Variants in LCLAT1 observed in about 807,000 individuals in gnomAD.
The protein encoded by LCLAT1 is lysocardiolipin acyltransferase 1, also known as 1-AGP acyltransferase 8.
LCLAT1 carries 11 observed loss-of-function variants against 30.7 expected under a neutral mutation model. The ratio of observed to expected loss-of-function variants is 0.36; its 90% CI spans 0.23 to 0.59. The LOEUF is 0.59. LCLAT1 is among the 20% of genes least tolerant of loss of function. LCLAT1 has a pLI of 0.77. For synonymous variants in LCLAT1, 155 were observed against 151.3 expected (o/e 1.02, Z -0.18); for missense variants, 402 against 458.6 (o/e 0.88, Z 1.13).
At chr2:30,520,133 G>T (rs1465934761) in intron 1 of LCLAT1, among the ~76,000 whole-genome samples, 1 of 152,162 alleles carries the variant, frequency 6.6e-6, no homozygotes, top group Non-Finnish European at 1.5e-5. Flanking sequence ...TCACCGCATG[G>T]CCCAAGGTTC....
intron 5 of LCLAT1, among the ~76,000 whole-genome samples, chr2:30,600,849 G>A (rs1282208881): frequency 6.6e-6 from 1 of 152,148 alleles, no homozygotes; most frequent in Non-Finnish European, 1.5e-5. Context: ...GGTCAGGGAA[G>A]TTCTCCTGGA....
intron 5 of LCLAT1, among the ~76,000 whole-genome samples, chr2:30,589,565 G>A (rs1042465277): frequency 6.6e-6 from 1 of 152,120 alleles, no homozygotes; most frequent in Non-Finnish European, 1.5e-5. Context: ...GAGTAAGAAT[G>A]TCTTTCTCCT....
intron 5 of LCLAT1, among the ~76,000 whole-genome samples, chr2:30,601,620 A>T (rs1667186327): frequency 6.6e-6 from 1 of 152,160 alleles, no homozygotes; most frequent in South Asian, 2.1e-4. Context: ...TGACTAATTT[A>T]GTACAGACTC....
intron 3 of LCLAT1, among the ~76,000 whole-genome samples, chr2:30,552,303 T>C (rs980158877): frequency 6.6e-6 from 1 of 152,214 alleles, no homozygotes; most frequent in African/African-American, 2.4e-5. Context: ...CAAGAATTTT[T>C]ACTGTCTGCA....
intron 5 of LCLAT1, among the ~76,000 whole-genome samples, chr2:30,570,771 A>G (rs1288979782): frequency 6.6e-6 from 1 of 152,246 alleles, no homozygotes; most frequent in Non-Finnish European, 1.5e-5. Context: ...CAGAACACGG[A>G]GAGATGGTAG....
At chr2:30,467,108 G>C (rs1307822573) in intron 1 of LCLAT1, among the ~76,000 whole-genome samples, 1 of 151,854 alleles carries the variant, frequency 6.6e-6, no homozygotes, top group Non-Finnish European at 1.5e-5. Flanking sequence ...CCCCACGACA[G>C]GCCCCGATGT....
chr2:30,545,819 G>T (rs1297051257), intron 3 of LCLAT1, among the ~76,000 whole-genome samples: 1 of 152,086 alleles, frequency 6.6e-6, no homozygotes, highest in African/African-American at 2.4e-5. Context: ...CCAACTGTAC[G>T]TACCCAACTC....
intron 5 of LCLAT1, among the ~76,000 whole-genome samples, chr2:30,591,071 T>C (rs1451339886): frequency 1.3e-5 from 2 of 152,144 alleles, no homozygotes; most frequent in East Asian, 3.8e-4. Flanking sequence ...CTAAATGTTA[T>C]AGCTATTGAG....
At chr2:30,480,131 T>C (rs1054160077) in intron 1 of LCLAT1, among the ~76,000 whole-genome samples, 1 of 152,232 alleles carries the variant, frequency 6.6e-6, no homozygotes, top group Non-Finnish European at 1.5e-5. Context: ...GTTGTATTAG[T>C]ATTCTGTTTA....
At chr2:30,490,113 G>T (rs1200895675) in intron 1 of LCLAT1, among the ~76,000 whole-genome samples, 1 of 151,804 alleles carries the variant, frequency 6.6e-6, no homozygotes, top group Non-Finnish European at 1.5e-5. Flanking sequence ...TAACAGGTTG[G>T]AAATTTCACA....
intron 5 of LCLAT1, among the ~76,000 whole-genome samples, chr2:30,599,004 GAT>G (rs1346062723): frequency 6.8e-6 from 1 of 147,636 alleles, no homozygotes; most frequent in Non-Finnish European, 1.5e-5. Flanking sequence ...GTTTGAGATA[GAT>G]AGAGTCTCAC....
intron 5 of LCLAT1, among the ~76,000 whole-genome samples, chr2:30,587,750 C>G (rs1188270514): frequency 6.6e-6 from 1 of 151,694 alleles, no homozygotes; most frequent in African/African-American, 2.4e-5. Context: ...ATGAATAACT[C>G]ATTTGTTTAT....
At chr2:30,616,524 T>C (rs1667999554) in intron 5 of LCLAT1, among the ~76,000 whole-genome samples, 1 of 152,192 alleles carries the variant, frequency 6.6e-6, no homozygotes, top group Non-Finnish European at 1.5e-5. Flanking sequence ...TTCTAATATT[T>C]TTATTGTTTT....
intron 3 of LCLAT1, among the ~76,000 whole-genome samples, chr2:30,542,124 T>A (rs1485094363): frequency 6.6e-6 from 1 of 152,200 alleles, no homozygotes; most frequent in Non-Finnish European, 1.5e-5. Flanking sequence ...TATAGGCTCT[T>A]TATAGATAGG....
At chr2:30,624,681 T>C (rs1472984783) in intron 5 of LCLAT1, among the ~76,000 whole-genome samples, 1 of 152,182 alleles carries the variant, frequency 6.6e-6, no homozygotes, top group East Asian at 1.9e-4. Context: ...GGGACTTCTG[T>C]ACTCCACTGA....
chr2:30,489,656 T>C (rs1398889107), intron 1 of LCLAT1, among the ~76,000 whole-genome samples: 1 of 152,180 alleles, frequency 6.6e-6, no homozygotes, highest in Non-Finnish European at 1.5e-5. Flanking sequence ...CAGCCCACAG[T>C]TATCTTACTA....
rs192859538 is a variant in LCLAT1 at position 30,595,693 on chromosome 2, T to C, written c.628+27517T>C. 2.1e-4 allele frequency among the ~76,000 whole-genome samples: 32 copies of C among 152,294 alleles called. 1 individual carries two copies. Among genetic ancestry groups the C allele is most frequent in the Admixed American group, 2.0e-3 (30 of 15,292 alleles). On this transcript the variant is annotated intron_variant, in intron 5 of 5. Transcript: ENST00000379509. ...GTGCAGGGTATGCAGGTTTGTTACA[T>C]AGGAAAATGTGTGCCATGGTGGTTT... is the stretch of plus-strand genomic sequence containing the variant.
At chr2:30,609,459 T>C (rs1307119790) in intron 5 of LCLAT1, among the ~76,000 whole-genome samples, 2 of 152,098 alleles carry the variant, frequency 1.3e-5, no homozygotes, top group South Asian at 2.1e-4. Context: ...AATCTGTTAT[T>C]CTCCATTGAT....
intron 5 of LCLAT1, among the ~76,000 whole-genome samples, chr2:30,623,628 C>T (rs1668374409): frequency 6.6e-6 from 1 of 151,352 alleles, no homozygotes; most frequent in South Asian, 2.1e-4. Flanking sequence ...TGTTAAACAA[C>T]AAAACCTAAG....
Sources: allele counts gnomAD v4.1 joint callset (sites outside exome capture counted in the v4.1 genomes callset), GRCh38; gene constraint gnomAD v4.1.1; transcripts MANE v1.5; gene names NCBI Gene and HGNC (gene_info 2026-07-23, HGNC 2026-07-21).